Variants in TANC2 observed in about 807,000 individuals in gnomAD.
TANC2 encodes protein TANC2.
Under a neutral mutation model 210.5 loss-of-function variants are expected in TANC2, and 26 were observed. That is an observed-to-expected ratio of 0.12 (90% CI 0.09 to 0.17). The LOEUF is 0.17. TANC2 is among the 10% of genes least tolerant of loss of function. The pLI, the probability that TANC2 is intolerant of heterozygous loss-of-function variation, is 1.00. For missense variants in TANC2, 2,129 were observed against 2,608.9 expected (o/e 0.82, Z 4.01); for synonymous variants, 931 against 967.1 (o/e 0.96, Z 0.69).
chr17:63,265,365 T>A (rs2043492672), intron 8 of TANC2, among the ~76,000 whole-genome samples: 1 of 152,196 alleles, frequency 6.6e-6, no homozygotes, highest in Admixed American at 6.5e-5. Context: ...TCAACCTATA[T>A]CAGTCTTCTT....
chr17:63,401,475 A>G (rs941385967), intron 19 of TANC2, among the ~76,000 whole-genome samples: 1 of 152,200 alleles, frequency 6.6e-6, no homozygotes, highest in African/African-American at 2.4e-5. Flanking sequence ...ATGCATTCCA[A>G]TTTCAGAGAT....
intron 15 of TANC2, among the ~76,000 whole-genome samples, chr17:63,387,298 C>T (rs1317968688): frequency 6.6e-6 from 1 of 152,190 alleles, no homozygotes; most frequent in Admixed American, 6.5e-5. Context: ...ATTCACCTTT[C>T]AGCCTTTCCT....
In TANC2 at chr17:63,314,673, C is replaced by CGT; in HGVS notation, c.1441+5_1441+6dup. On this transcript the variant is annotated splice_donor_region_variant and intron_variant, in intron 10 of 27. Coordinates refer to ENST00000689528, the Ensembl canonical transcript of TANC2. ...AGCCCACATGCCTCCCCCAAACGTA[C>CGT]GTATTCCTTTTTAAAGAACTCCCTG... 6.2e-7 allele frequency: 1 copy of CGT among 1,609,990 alleles called. No individual in the cohort carries two copies. Among genetic ancestry groups the CGT allele is most frequent in the Non-Finnish European group, 8.5e-7 (1 of 1,177,034 alleles).
chr17:63,235,196 T>C (rs552470997), intron 7 of TANC2, among the ~76,000 whole-genome samples: 1 of 152,228 alleles, frequency 6.6e-6, no homozygotes, highest in Admixed American at 6.5e-5. Context: ...GAAACTGTTT[T>C]CCAGATTTGC....
At chr17:63,193,317 C>G (rs978815572) in intron 5 of TANC2, among the ~76,000 whole-genome samples, 5 of 152,118 alleles carry the variant, frequency 3.3e-5, no homozygotes, top group African/African-American at 1.2e-4. Context: ...AGATTTTTCA[C>G]AGATGGAACT....
At chr17:63,100,101 G>T (rs1439707226) in intron 4 of TANC2, among the ~76,000 whole-genome samples, 3 of 152,154 alleles carry the variant, frequency 2.0e-5, no homozygotes, top group African/African-American at 7.2e-5. Context: ...AAGTTGGCTA[G>T]TATTGATGGG....
Position 63,340,097 on chromosome 17 carries a change from G to T in TANC2, c.1576-4G>T, listed in dbSNP as rs765051958. ...CTGTTTGCATTCTCATCTTTCTTTT[G>T]CAGGTGGTTGCCTATCACTATTGTC... On this transcript the variant is annotated splice_region_variant and splice_polypyrimidine_tract_variant and intron_variant, in intron 11 of 27. Coordinates refer to ENST00000689528, the Ensembl canonical transcript of TANC2. 1.1e-5 allele frequency: 18 copies of T among 1,610,580 alleles called. No homozygotes were observed. The highest frequency in any genetic ancestry group is 1.6e-4 in the Middle Eastern group (1 of 6,080).
intron 4 of TANC2, among the ~76,000 whole-genome samples, chr17:63,124,945 A>C (rs2038649482): frequency 6.6e-6 from 1 of 152,242 alleles, no homozygotes; most frequent in Admixed American, 6.5e-5. Context: ...TGTCTTCCGC[A>C]AAATGGGTCT....
exon 10 of TANC2, chr17:63,314,667 A>G: frequency 1.9e-6 from 3 of 1,612,830 alleles, no homozygotes; most frequent in Non-Finnish European, 2.5e-6. Context: ...GCCTCCCCCA[A>G]ACGTACGTAT....
intron 2 of TANC2, among the ~76,000 whole-genome samples, chr17:63,020,650 A>G (rs2034307715): frequency 6.6e-6 from 1 of 152,214 alleles, no homozygotes; most frequent in South Asian, 2.1e-4. Flanking sequence ...TACCCCATGT[A>G]CACAAAAGTC....
intron 4 of TANC2, among the ~76,000 whole-genome samples, chr17:63,129,666 G>A (rs1411485389): frequency 6.6e-6 from 1 of 152,152 alleles, no homozygotes; most frequent in Non-Finnish European, 1.5e-5. Context: ...CTATGAGCAA[G>A]AAAGTTGGCT....
chr17:63,060,066 A>G (rs2035940394), intron 2 of TANC2, among the ~76,000 whole-genome samples: 1 of 152,194 alleles, frequency 6.6e-6, no homozygotes, highest in East Asian at 1.9e-4. Flanking sequence ...CTTCTGTACT[A>G]CCTTCATAGC....
At chr17:63,172,335 C>T (rs777615302) in intron 5 of TANC2, among the ~76,000 whole-genome samples, 7 of 151,966 alleles carry the variant, frequency 4.6e-5, no homozygotes, top group Non-Finnish European at 8.8e-5. Flanking sequence ...GCGCCCGCCA[C>T]CATTCCCAGC....
chr17:62,997,235 A>G (rs938023452), intron 1 of TANC2, among the ~76,000 whole-genome samples: 1 of 151,498 alleles, frequency 6.6e-6, no homozygotes, highest in Non-Finnish European at 1.5e-5. Flanking sequence ...TTGTGGTCTC[A>G]AGCAGTTCTC....
chr17:63,408,471 C>T (rs977601851), intron 21 of TANC2, among the ~76,000 whole-genome samples: 1 of 152,214 alleles, frequency 6.6e-6, no homozygotes, highest in African/African-American at 2.4e-5. Context: ...CTGTAATGTA[C>T]ATCCAAAACT....
chr17:63,057,436 CTTTTA>C (rs1228504565), intron 2 of TANC2, among the ~76,000 whole-genome samples: 1 of 151,872 alleles, frequency 6.6e-6, no homozygotes, highest in African/African-American at 2.4e-5. Context: ...TTTATAAAAA[CTTTTA>C]TTTTAGGTCT....
chr17:63,403,232 T>C (rs2048396131), intron 19 of TANC2, among the ~76,000 whole-genome samples: 1 of 152,230 alleles, frequency 6.6e-6, no homozygotes, highest in African/African-American at 2.4e-5. Flanking sequence ...AAATTCTGTA[T>C]TTTCTCTAGG....
Position 63,306,988 on chromosome 17 carries a change from G to A in TANC2, c.1160-7400G>A, listed in dbSNP as rs567642039. ...AGCAGTAGGGAAACCAACTTGAAAA[G>A]CTTATCAGGGGAAGCCCCGCTAACA... On this transcript the variant is annotated intron_variant, in intron 9 of 27. Transcript: ENST00000689528. Among the ~76,000 whole-genome samples the A allele has an allele frequency of 2.0e-5, 3 of 152,224 alleles. No individual in the cohort carries two copies. In the South Asian group the frequency reaches 6.2e-4, roughly 32 times the overall value.
chr17:63,141,369 C>G (rs1300283335), intron 4 of TANC2, among the ~76,000 whole-genome samples: 2 of 101,720 alleles, frequency 2.0e-5, no homozygotes, highest in African/African-American at 3.8e-5. Flanking sequence ...TGCTAAAACC[C>G]CGTTTCTACT....
Sources: allele counts gnomAD v4.1 joint callset (sites outside exome capture counted in the v4.1 genomes callset), GRCh38; gene constraint gnomAD v4.1.1; transcripts MANE v1.5; gene names NCBI Gene and HGNC (gene_info 2026-07-23, HGNC 2026-07-21).